Variants in UNC5D observed in about 807,000 individuals in gnomAD.
UNC5D encodes netrin receptor UNC5D.
In UNC5D, 39 loss-of-function variants were observed where a neutral mutation model predicts 105.4. The ratio of observed to expected loss-of-function variants is 0.37; its 90% CI spans 0.29 to 0.48. UNC5D has a LOEUF of 0.48. Ranked by LOEUF, UNC5D falls within the 20% of genes least tolerant of loss-of-function variation. The pLI, the probability that UNC5D is intolerant of heterozygous loss-of-function variation, is 0.98. For missense variants in UNC5D, 991 were observed against 1,202.4 expected, an observed-to-expected ratio of 0.82 and a Z score of 2.60; for synonymous variants, 452 against 450.4, an observed-to-expected ratio of 1.00 and a Z score of -0.04.
intron 1 of UNC5D, among the ~76,000 whole-genome samples, chr8:35,264,523 T>A (rs557189489): frequency 3.9e-5 from 6 of 151,978 alleles, no homozygotes; most frequent in Admixed American, 2.0e-4. Flanking sequence ...AGGCCAGGAG[T>A]TCGAGACCAA....
intron 1 of UNC5D, among the ~76,000 whole-genome samples, chr8:35,520,434 G>A (rs1813385696): frequency 6.6e-6 from 1 of 152,018 alleles, no homozygotes; most frequent in African/African-American, 2.4e-5. Flanking sequence ...ACTGTTAATG[G>A]GTTCAGGATT....
At chr8:35,754,188 T>C (rs1329044762) in intron 13 of UNC5D, among the ~76,000 whole-genome samples, 3 of 152,180 alleles carry the variant, frequency 2.0e-5, no homozygotes, top group Non-Finnish European at 4.4e-5. Flanking sequence ...AAGCTGAAAA[T>C]AGAGTATACA....
intron 1 of UNC5D, among the ~76,000 whole-genome samples, chr8:35,449,396 G>A (rs182200236): frequency 3.4e-4 from 51 of 152,176 alleles, no homozygotes; most frequent in Admixed American, 8.5e-4. Context: ...CAATGAAGAT[G>A]TCAGCTCATT....
chr8:35,635,406 T>A (rs2131099834), intron 4 of UNC5D, among the ~76,000 whole-genome samples: 1 of 152,326 alleles, frequency 6.6e-6, no homozygotes, highest in South Asian at 2.1e-4. Context: ...GTGTTTGTCA[T>A]CTGCTTTTCC....
intron 11 of UNC5D, among the ~76,000 whole-genome samples, chr8:35,739,022 G>T (rs770213945): frequency 6.6e-6 from 1 of 152,164 alleles, no homozygotes; most frequent in Admixed American, 6.5e-5. Context: ...GAGAATCACT[G>T]AGGAAAGATG....
At chr8:35,391,191 T>G (rs1803749630) in intron 1 of UNC5D, among the ~76,000 whole-genome samples, 1 of 152,208 alleles carries the variant, frequency 6.6e-6, no homozygotes, top group Admixed American at 6.5e-5. Context: ...TTGTTCAACC[T>G]TAATGTTATG....
chr8:35,587,165 C>A (rs1464339086), intron 3 of UNC5D, among the ~76,000 whole-genome samples: 1 of 152,082 alleles, frequency 6.6e-6, no homozygotes, highest in Non-Finnish European at 1.5e-5. Context: ...TGATTCCAGG[C>A]ATTGTGGGTC....
chr8:35,791,131 C>T lies in UNC5D; in HGVS notation c.*568C>T, dbSNP rs1803021647. 1 of 166,520 alleles carries T rather than the reference C, an allele frequency of 6.0e-6. No individual in the cohort carries two copies. Among genetic ancestry groups the T allele is most frequent in the Non-Finnish European group, 1.3e-5 (1 of 75,240 alleles). 10.3% of individuals were successfully genotyped at this position (166,520 alleles called of 1,614,324 possible). ...CATCACACCAGCACCAGCTCCCTGTCTCTTCTAGCCACTTAATGGAGACAC... is the reference window on the plus strand; with the variant it reads ...CATCACACCAGCACCAGCTCCCTGTTTCTTCTAGCCACTTAATGGAGACAC... On this transcript the variant is annotated 3_prime_UTR_variant, in exon 17 of 17. Coordinates refer to ENST00000404895, the MANE Select transcript of UNC5D (RefSeq NM_080872.4).
chr8:35,364,041 A>G (rs1050878254), intron 1 of UNC5D, among the ~76,000 whole-genome samples: 3 of 152,080 alleles, frequency 2.0e-5, no homozygotes, highest in African/African-American at 7.2e-5. Flanking sequence ...AAAATTAGAC[A>G]GGCGTCTCAG....
chr8:35,372,794 A>G (rs1802498319), intron 1 of UNC5D, among the ~76,000 whole-genome samples: 1 of 151,890 alleles, frequency 6.6e-6, no homozygotes. Flanking sequence ...TTAGAGATGG[A>G]GTCTCACATT....
At chr8:35,272,360 AC>A (rs1389730117) in intron 1 of UNC5D, among the ~76,000 whole-genome samples, 116 of 152,228 alleles carry the variant, frequency 7.6e-4, no homozygotes, top group Non-Finnish European at 2.4e-4. Flanking sequence ...CGGGAAGTTC[AC>A]TGGTCACACC....
intron 1 of UNC5D, among the ~76,000 whole-genome samples, chr8:35,455,760 C>T (rs1215329467): frequency 6.6e-6 from 1 of 151,644 alleles, no homozygotes; most frequent in African/African-American, 2.4e-5. Flanking sequence ...AGGCAAAAGG[C>T]ACATCTTACA....
At chr8:35,569,050 TAA>T (rs34277362) in intron 3 of UNC5D, among the ~76,000 whole-genome samples, 21,651 of 118,768 alleles carry the variant, frequency 0.18, 3,341 homozygotes, top group African/African-American at 0.43. Context: ...CAAGTAGGAC[TAA>T]AAAAAAAAAA....
chr8:35,762,776 T>C (rs1801595496), intron 14 of UNC5D, among the ~76,000 whole-genome samples: 1 of 152,192 alleles, frequency 6.6e-6, no homozygotes, highest in Non-Finnish European at 1.5e-5. Flanking sequence ...CAATAAATTA[T>C]TTATTTTTAA....
intron 1 of UNC5D, among the ~76,000 whole-genome samples, chr8:35,442,887 C>T (rs1202524751): frequency 7.7e-6 from 1 of 130,038 alleles, no homozygotes; most frequent in Non-Finnish European, 1.6e-5. Context: ...CTCTCTGTTT[C>T]TCTCTCTCTC....
chr8:35,595,718 GCGGAGTCCTGT>G, intron 4 of UNC5D, 61 bp downstream of exon 4: 3 of 1,486,192 alleles, frequency 2.0e-6, no homozygotes, highest in Non-Finnish European at 2.8e-6. Flanking sequence ...AAGAGGGAGG[GCGGAGTCCTGT>G]GTGGCTGGAA....
chr8:35,650,658 G>A (rs1317955498), intron 4 of UNC5D, among the ~76,000 whole-genome samples: 1 of 151,916 alleles, frequency 6.6e-6, no homozygotes, highest in African/African-American at 2.4e-5. Flanking sequence ...TTTTAATAGA[G>A]ATGGGGTTTT....
intron 16 of UNC5D, among the ~76,000 whole-genome samples, chr8:35,787,122 A>G (rs1192917881): frequency 6.6e-6 from 1 of 152,176 alleles, no homozygotes; most frequent in African/African-American, 2.4e-5. Flanking sequence ...AACCAAAAAC[A>G]TTGACTATCT....
chr8:35,390,508 A>G (rs1803704553), intron 1 of UNC5D, among the ~76,000 whole-genome samples: 1 of 152,148 alleles, frequency 6.6e-6, no homozygotes, highest in Non-Finnish European at 1.5e-5. Flanking sequence ...AATATTATGG[A>G]GAAAACTTCC....
Sources: allele counts gnomAD v4.1 joint callset (sites outside exome capture counted in the v4.1 genomes callset), GRCh38; gene constraint gnomAD v4.1.1; transcripts MANE v1.5; gene names NCBI Gene and HGNC (gene_info 2026-07-23, HGNC 2026-07-21).